Variants in UNC13C observed in about 807,000 individuals in gnomAD.
The protein encoded by UNC13C is protein unc-13 homolog C.
In UNC13C, 174 loss-of-function variants were observed where a neutral mutation model predicts 245.4. The observed-to-expected ratio is 0.71, with a 90% CI of 0.63 to 0.80. The LOEUF is 0.80. UNC13C is among the 30% of genes least tolerant of loss of function. UNC13C has a pLI of 0.00. For missense variants in UNC13C, 2,829 were observed against 2,602.9 expected (o/e 1.09, Z -1.89); for synonymous variants, 992 against 895.1 (o/e 1.11, Z -1.93).
chr15:54,456,724 A>T (rs1596408600), intron 19 of UNC13C, among the ~76,000 whole-genome samples: 1 of 151,680 alleles, frequency 6.6e-6, no homozygotes, highest in Non-Finnish European at 1.5e-5. Context: ...GTGTACATTG[A>T]TTTTGTATCC....
the UNC13C span, among the ~76,000 whole-genome samples, chr15:53,936,354 T>C: frequency 0.11 from 16,140 of 152,142 alleles, 1,209 homozygotes; most frequent in East Asian, 0.33. Context: ...GCCAGGGTTA[T>C]ACAAACAGAT....
At chr15:54,409,435 T>C (rs2040373242) in intron 18 of UNC13C, among the ~76,000 whole-genome samples, 1 of 152,114 alleles carries the variant, frequency 6.6e-6, no homozygotes, top group Non-Finnish European at 1.5e-5. Flanking sequence ...CATGGGTAAA[T>C]TGTAAGTCAT....
chr15:54,577,421 A>G (rs1008644983), intron 30 of UNC13C, among the ~76,000 whole-genome samples: 1 of 152,246 alleles, frequency 6.6e-6, no homozygotes, highest in African/African-American at 2.4e-5. Flanking sequence ...AAATATCTCC[A>G]TTTGCCCCTC....
At chr15:54,154,424 T>C (rs1411422584) in intron 4 of UNC13C, among the ~76,000 whole-genome samples, 1 of 152,114 alleles carries the variant, frequency 6.6e-6, no homozygotes, top group Non-Finnish European at 1.5e-5. Flanking sequence ...AATTAGTATA[T>C]TAATAATGGA....
At chr15:54,295,610 G>T (rs918839052) in intron 11 of UNC13C, among the ~76,000 whole-genome samples, 3 of 151,358 alleles carry the variant, frequency 2.0e-5, no homozygotes, top group Non-Finnish European at 4.4e-5. Context: ...AAAAGATTAT[G>T]CCACTGCATC....
rs2036108215 is a variant in UNC13C, at chr15:54,250,220, C to T, written c.3229-5C>T. ...GTGCATTGGTAACTTCTCTCATGTT[C>T]ACAGAAAATGCACGTCTTCAAGAAG... is the stretch of plus-strand genomic sequence containing the variant. On this transcript the variant is annotated splice_region_variant and splice_polypyrimidine_tract_variant and intron_variant, in intron 7 of 32. Coordinates refer to ENST00000260323, the MANE Select transcript of UNC13C (RefSeq NM_001080534.3). 1 of 1,613,420 alleles carries T rather than the reference C, an allele frequency of 6.2e-7. No homozygotes were observed. The highest frequency in any genetic ancestry group is 1.1e-5 in the South Asian group (1 of 91,048).
chr15:53,908,173 T>C, the UNC13C span, among the ~76,000 whole-genome samples: 1 of 146,500 alleles, frequency 6.8e-6, no homozygotes, highest in Non-Finnish European at 1.5e-5. Context: ...CCACTCATTG[T>C]CCACAGCATA....
chr15:54,500,272 T>A, intron 21 of UNC13C, 97 bp downstream of exon 21: 1 of 935,882 alleles, frequency 1.1e-6, no homozygotes. Context: ...TGTTATTAAT[T>A]GTTTCCATTC....
At chr15:53,888,742 G>A in the UNC13C span, among the ~76,000 whole-genome samples, 1 of 152,096 alleles carries the variant, frequency 6.6e-6, no homozygotes, top group South Asian at 2.1e-4. Context: ...TGTAAGGAAG[G>A]GCTCACGTTT....
intron 2 of UNC13C, among the ~76,000 whole-genome samples, chr15:54,072,453 C>A (rs1182902263): frequency 1.3e-5 from 2 of 152,184 alleles, no homozygotes; most frequent in Non-Finnish European, 2.9e-5. Context: ...TCTTTTGCTT[C>A]TTCAATGGAG....
At position 54,014,925 on chromosome 15, in the gene UNC13C, A is replaced by C; in HGVS notation, c.2022A>C (p.Glu674Asp). 6.2e-7 allele frequency: 1 copy of C among 1,613,936 alleles called. No individual in the cohort carries two copies. Among genetic ancestry groups the C allele is most frequent in the South Asian group, 1.1e-5 (1 of 91,082 alleles). Reference protein sequence around the residue: ...ADLGLDSSTQEGFDYETNSLF... With the variant: ...ADLGLDSSTQDGFDYETNSLF... The stretch of plus-strand genomic sequence containing the variant: ...TAGGCTTGGATTCATCCACCCAGGA[A>C]GGTTTTGATTATGAAACAAACAGTC... The change falls in exon 2 of 33, where the codon GAA (glutamate) becomes GAC (aspartate). Residue 674 changes from glutamate to aspartate, a missense_variant. By Grantham distance (45) the Glu-to-Asp change is conservative. Transcript: ENST00000260323.
At chr15:54,204,770 A>G (rs1302397752) in intron 4 of UNC13C, among the ~76,000 whole-genome samples, 1 of 151,998 alleles carries the variant, frequency 6.6e-6, no homozygotes, top group Non-Finnish European at 1.5e-5. Context: ...ATTATCACAA[A>G]ATTCAGGATA....
At chr15:53,888,053 C>T in the UNC13C span, among the ~76,000 whole-genome samples, 15 of 152,098 alleles carry the variant, frequency 9.9e-5, no homozygotes, top group African/African-American at 1.9e-4. Context: ...ATTTATAATC[C>T]GTTGGGTCCA....
intron 4 of UNC13C, among the ~76,000 whole-genome samples, chr15:54,213,410 T>C (rs527991358): frequency 8.5e-5 from 13 of 152,178 alleles, no homozygotes; most frequent in Admixed American, 7.9e-4. Context: ...GTCAAACATG[T>C]GCAGACAGCT....
At chr15:54,393,264 C>T (rs1005724642) in intron 18 of UNC13C, 83 bp downstream of exon 18, 53 of 1,203,554 alleles carry the variant, frequency 4.4e-5, no homozygotes, top group Middle Eastern at 2.0e-4. Flanking sequence ...CATATACTGA[C>T]GACAATAATA....
intron 2 of UNC13C, among the ~76,000 whole-genome samples, chr15:54,059,204 C>T (rs1485673902): frequency 1.6e-4 from 4 of 24,888 alleles, no homozygotes; most frequent in African/African-American, 3.3e-4. Flanking sequence ...GATTGTTTAT[C>T]GAGAAAACCC....
At chr15:53,913,476 A>G in the UNC13C span, 3 of 152,220 alleles carry the variant, frequency 2.0e-5, no homozygotes, top group African/African-American at 7.2e-5. Flanking sequence ...CACCCCCTGG[A>G]CAGGGAAAGC....
At chr15:54,021,620 G>T (rs771891141) in intron 2 of UNC13C, among the ~76,000 whole-genome samples, 7 of 152,038 alleles carry the variant, frequency 4.6e-5, no homozygotes, top group Non-Finnish European at 7.4e-5. Flanking sequence ...TCATATCTTG[G>T]CTATTGTGAA....
intron 1 of UNC13C, among the ~76,000 whole-genome samples, chr15:53,996,576 T>C (rs1894642909): frequency 6.6e-6 from 1 of 152,188 alleles, no homozygotes; most frequent in Non-Finnish European, 1.5e-5. Context: ...CACTCTAAGA[T>C]ATAGAGCATT....
Sources: allele counts gnomAD v4.1 joint callset (sites outside exome capture counted in the v4.1 genomes callset), GRCh38; gene constraint gnomAD v4.1.1; transcripts MANE v1.5; gene names NCBI Gene and HGNC (gene_info 2026-07-23, HGNC 2026-07-21).